SUMF2: variants seen among roughly 807,000 people sequenced by gnomAD.
SUMF2 encodes the protein inactive C-alpha-formylglycine-generating enzyme 2.
A neutral mutation model predicts 44.8 loss-of-function variants in SUMF2; 45 were observed. The observed-to-expected ratio is 1.00, with a 90% CI of 0.79 to 1.29. SUMF2 has a LOEUF of 1.29. Among genes scored for constraint, SUMF2 ranks in the 50% most tolerant of loss-of-function variants. The probability of loss-of-function intolerance (pLI) is 0.00; values close to 1 mark genes in which losing one functional copy is unlikely to be tolerated. For synonymous variants in SUMF2, 148 were observed against 150.4 expected (o/e 0.98, Z 0.12); for missense variants, 418 against 389.9 (o/e 1.07, Z -0.61).
downstream of SUMF2, chr7:56,084,227 G>C: frequency 2.0e-6 from 3 of 1,530,288 alleles, no homozygotes; most frequent in South Asian, 1.2e-5. Flanking sequence ...CATCTCCATT[G>C]TATCAGTGTC....
downstream of SUMF2, chr7:56,083,589 C>T: frequency 1.3e-6 from 2 of 1,508,192 alleles, no homozygotes; most frequent in Non-Finnish European, 1.8e-6. Flanking sequence ...CCTGAGACCC[C>T]AGTGCCTGTG....
At chr7:56,077,035 C>A in intron 6 of SUMF2, 146 bp downstream of exon 6, 105 of 488,526 alleles carry the variant, frequency 2.1e-4, no homozygotes, top group Non-Finnish European at 3.2e-4. Context: ...GACAATGGGT[C>A]ATAAGTGCTT....
intron 8 of SUMF2, chr7:56,078,890 C>A: frequency 2.1e-6 from 1 of 476,490 alleles, no homozygotes; most frequent in Non-Finnish European, 3.7e-6. Flanking sequence ...AACTGGTGGG[C>A]ACACGAAAAA....
At chr7:56,065,889 C>G (rs901142806) in intron 1 of SUMF2, among the ~76,000 whole-genome samples, 1 of 151,632 alleles carries the variant, frequency 6.6e-6, no homozygotes, top group Non-Finnish European at 1.5e-5. Context: ...GAGCAGCCTG[C>G]CCAACATGGT....
At chr7:56,065,216 A>G (rs1011583301) in intron 1 of SUMF2, among the ~76,000 whole-genome samples, 6 of 151,172 alleles carry the variant, frequency 4.0e-5, no homozygotes, top group African/African-American at 7.3e-5. Context: ...AAAAAAAGGA[A>G]AAAGGAGAAT....
chr7:56,082,082 G>A (rs771992500), downstream of SUMF2: 17 of 1,609,286 alleles, frequency 1.1e-5, no homozygotes, highest in African/African-American at 4.0e-5. Flanking sequence ...CTTACCCAGC[G>A]CCAGGGGCAC....
intron 6 of SUMF2, among the ~76,000 whole-genome samples, chr7:56,077,776 C>A (rs1338471445): frequency 2.6e-5 from 4 of 152,054 alleles, no homozygotes; most frequent in Non-Finnish European, 5.9e-5. Flanking sequence ...TGCAGAGGAT[C>A]CTGTCTTCTT....
At chr7:56,067,405 C>A (rs1307258777) in intron 1 of SUMF2, among the ~76,000 whole-genome samples, 2 of 152,098 alleles carry the variant, frequency 1.3e-5, no homozygotes, top group African/African-American at 4.8e-5. Flanking sequence ...ACCTTGAACT[C>A]CTGGGCTCAA....
At chr7:56,087,629 G>GA in the SUMF2 span, 2 of 1,613,916 alleles carry the variant, frequency 1.2e-6, no homozygotes, top group Admixed American at 1.7e-5. Flanking sequence ...CCTTGCGCAG[G>GA]ATGTCCACCT....
Position 56,073,010 on chromosome 7 carries a change from GA to G in SUMF2, c.239del (p.Glu80GlyfsTer25). On this transcript the variant is annotated frameshift_variant, in exon 3 of 9. Transcript: ENST00000434526. LOFTEE classifies it high-confidence loss of function. ...ATGTCTTTATAGGGATTTTGTCAGG[GA>G]GAAAAAGTATCGGACAGAAGCTGAG... ...TNKDFRDFVR[E>X]KKYRTEAEMF... The G allele has an allele frequency of 6.2e-7, 1 of 1,613,930 alleles. No homozygotes were observed. The highest frequency in any genetic ancestry group is 1.1e-5 in the South Asian group (1 of 91,076).
intron 1 of SUMF2, among the ~76,000 whole-genome samples, chr7:56,067,806 T>C (rs1794903116): frequency 3.3e-5 from 5 of 151,076 alleles, no homozygotes; most frequent in Admixed American, 2.6e-4. Context: ...GGTGGGAGGA[T>C]TGCTTGAGCT....
chr7:56,082,159 T>C, downstream of SUMF2: 1 of 1,613,458 alleles, frequency 6.2e-7, no homozygotes, highest in Non-Finnish European at 8.5e-7. Context: ...CCCGGCGCAC[T>C]CACATGTCCA....
At chr7:56,072,247 G>A (rs555620169) in intron 2 of SUMF2, among the ~76,000 whole-genome samples, 5 of 151,978 alleles carry the variant, frequency 3.3e-5, no homozygotes, top group African/African-American at 9.6e-5. Flanking sequence ...CTAACATTGC[G>A]AAACCCTATC....
At chr7:56,084,046 T>TAA, downstream of SUMF2, 1 of 674,980 alleles carries the variant, frequency 1.5e-6, no homozygotes, top group South Asian at 1.8e-5. Flanking sequence ...TTTCTTCAGC[T>TAA]AAGTCCCCTC....
chr7:56,083,306 G>A (rs1351706559), downstream of SUMF2: 19 of 1,613,984 alleles, frequency 1.2e-5, no homozygotes, highest in Non-Finnish European at 1.6e-5. Flanking sequence ...GCTCCAGCTG[G>A]CAGGAAAAGC....
intron 3 of SUMF2, 160 bp from the exon 4 acceptor site, chr7:56,074,014 C>CAA (rs56927689): frequency 0.012 from 3,836 of 319,478 alleles, 61 homozygotes; most frequent in East Asian, 0.022. Flanking sequence ...GATCTTGTCT[C>CAA]AAAAAAAAAA....
At chr7:56,085,920 G>A in the SUMF2 span, among the ~76,000 whole-genome samples, 2 of 150,602 alleles carry the variant, frequency 1.3e-5, no homozygotes, top group East Asian at 3.9e-4. Context: ...GTTGCAGTGA[G>A]CCGAGATCGC....
Position 56,078,462 on chromosome 7 carries a change from G to C in SUMF2, c.775G>C (p.Asp259His), listed in dbSNP as rs781238352. ...MRVLRGASWI[D>H]TADGSANHRA... Reference sequence around the variant, plus strand: ...CGTCCTCCGGGGGGCATCCTGGATCGACACAGCTGATGGCTCTGCCAATCA... The same window carrying C: ...CGTCCTCCGGGGGGCATCCTGGATCCACACAGCTGATGGCTCTGCCAATCA... Residue 259 changes from aspartate to histidine, a missense_variant, in exon 8 of 9, where the codon GAC becomes CAC. Transcript: ENST00000434526. The C allele has an allele frequency of 1.2e-6, 2 of 1,603,000 alleles. No homozygotes were observed. The highest frequency in any genetic ancestry group is 2.7e-5 in the African/African-American group (2 of 74,584).
At chr7:56,080,881 A>G (rs1309903374), downstream of SUMF2, 10 of 744,260 alleles carry the variant, frequency 1.3e-5, no homozygotes, top group Non-Finnish European at 2.1e-5. Context: ...GGGAACACCC[A>G]CTTCCCTTGT....
Sources: gnomAD v4.1 joint callset for allele counts (sites outside exome capture counted in the v4.1 genomes callset) on GRCh38, gnomAD v4.1.1 for gene constraint, MANE v1.5 for transcripts, NCBI Gene and HGNC (gene_info 2026-07-23, HGNC 2026-07-21) for gene names.